DLGAP1: variants seen among roughly 807,000 people sequenced by gnomAD.
DLGAP1 encodes the protein DLG associated protein 1, also known as disks large-associated protein 1.
Under a neutral mutation model 90.8 loss-of-function variants are expected in DLGAP1, and 11 were observed. The observed-to-expected ratio is 0.12, with a 90% CI of 0.08 to 0.20. The LOEUF is 0.20. Ranked by LOEUF, DLGAP1 falls within the 10% of genes least tolerant of loss-of-function variation. The pLI is 1.00. For missense variants in DLGAP1, 1,050 were observed against 1,333.8 expected, an observed-to-expected ratio of 0.79 and a Z score of 3.31; for synonymous variants, 558 against 540.7, an observed-to-expected ratio of 1.03 and a Z score of -0.44.
intron 3 of DLGAP1, among the ~76,000 whole-genome samples, chr18:3,952,884 T>A (rs570885310): frequency 2.6e-5 from 4 of 152,336 alleles, no homozygotes; most frequent in African/African-American, 9.6e-5. Context: ...GACGGATGGC[T>A]ACATGCCACC....
rs572591855 is a variant in DLGAP1, at chr18:4,378,989, C to A, written c.-267+76017G>T. On this transcript the variant is annotated intron_variant, in intron 1 of 12. Transcript: ENST00000315677. This position sits in a 1 kb window ranked among gnomAD's most constrained non-coding sequence, Gnocchi z 4.5. ...GTTCACAGCATGTGATCTCCTGTGCCGCGTGACCACAGTTGATAGGACCAA... is the reference window on the plus strand; with the variant it reads ...GTTCACAGCATGTGATCTCCTGTGCAGCGTGACCACAGTTGATAGGACCAA... 4.6e-4 allele frequency among the ~76,000 whole-genome samples: 70 copies of A among 152,214 alleles called. No individual in the cohort carries two copies. Among genetic ancestry groups the A allele is most frequent in the African/African-American group, 1.6e-3 (66 of 41,540 alleles).
intron 2 of DLGAP1, among the ~76,000 whole-genome samples, chr18:4,083,665 C>T (rs987346112): frequency 2.6e-5 from 4 of 152,102 alleles, no homozygotes; most frequent in African/African-American, 9.7e-5. Context: ...AGAAAAGTTC[C>T]CTTTTCCTCC....
intron 1 of DLGAP1, among the ~76,000 whole-genome samples, chr18:4,288,776 G>T (rs577821956): frequency 6.6e-6 from 1 of 152,224 alleles, no homozygotes; most frequent in Admixed American, 6.5e-5. Flanking sequence ...ATCTGCCTCC[G>T]ACTAAGTGGA....
rs542377013 is a variant in DLGAP1, at chr18:3,833,026, T to G, written c.958-18753A>C. On this transcript the variant is annotated intron_variant, in intron 4 of 12. Coordinates refer to ENST00000315677, the MANE Select transcript of DLGAP1 (RefSeq NM_004746.4). ...GGCATAGAAGTAAGAGAAGCTCAAA[T>G]AGCTTTCTAAAGGAGAATCTCATAA... Among the ~76,000 whole-genome samples, 23 of 152,340 alleles carry G rather than the reference T, an allele frequency of 1.5e-4. No individual in the cohort carries two copies. In the South Asian group the frequency reaches 4.6e-3, roughly 30 times the overall value.
At chr18:3,862,414 G>T (rs568760037) in intron 4 of DLGAP1, among the ~76,000 whole-genome samples, 2 of 152,346 alleles carry the variant, frequency 1.3e-5, no homozygotes, top group Admixed American at 1.3e-4. Flanking sequence ...GAGAATCACA[G>T]ATGAGGATTA....
At chr18:3,724,131 C>T (rs2062073265) in intron 7 of DLGAP1, among the ~76,000 whole-genome samples, 1 of 151,926 alleles carries the variant, frequency 6.6e-6, no homozygotes, top group Admixed American at 6.6e-5. Context: ...TTGAGACCAG[C>T]CTGAGCAACA....
intron 1 of DLGAP1, among the ~76,000 whole-genome samples, chr18:4,254,289 T>A (rs1249012037): frequency 6.6e-6 from 1 of 152,276 alleles, no homozygotes; most frequent in East Asian, 1.9e-4. Flanking sequence ...AACAATTAAA[T>A]GGAAACTGAA....
chr18:4,413,746 G>A (rs2082832417), intron 1 of DLGAP1, among the ~76,000 whole-genome samples: 1 of 152,196 alleles, frequency 6.6e-6, no homozygotes. Flanking sequence ...TCAAAGGAAA[G>A]ATAAAAGGGT....
intron 1 of DLGAP1, among the ~76,000 whole-genome samples, chr18:4,174,796 T>C (rs967825429): frequency 8.5e-5 from 13 of 152,172 alleles, no homozygotes; most frequent in Non-Finnish European, 1.3e-4. Context: ...GTGTGTGTGT[T>C]GTTGCCCTCC....
chr18:4,030,878 G>A (rs1357081680), intron 2 of DLGAP1, among the ~76,000 whole-genome samples: 1 of 152,138 alleles, frequency 6.6e-6, no homozygotes, highest in African/African-American at 2.4e-5. Context: ...AGCTGTGATT[G>A]CACCACTGCA....
At chr18:3,620,200 C>T (rs1247087647) in intron 7 of DLGAP1, among the ~76,000 whole-genome samples, 1 of 152,046 alleles carries the variant, frequency 6.6e-6, no homozygotes, top group Non-Finnish European at 1.5e-5. Context: ...GGGTCAGAGA[C>T]AAAGACGATG....
At chr18:4,016,290 A>G (rs1835888217) in intron 2 of DLGAP1, among the ~76,000 whole-genome samples, 1 of 152,230 alleles carries the variant, frequency 6.6e-6, no homozygotes, top group Admixed American at 6.5e-5. Flanking sequence ...AACTTCTCCA[A>G]AACAAGTTTC....
At chr18:4,301,567 C>A (rs2143270216) in intron 1 of DLGAP1, among the ~76,000 whole-genome samples, 1 of 152,290 alleles carries the variant, frequency 6.6e-6, no homozygotes, top group South Asian at 2.1e-4. Context: ...AGGTTGATTC[C>A]ATAACTTGGC....
chr18:3,905,208 A>G (rs971103958), intron 3 of DLGAP1, among the ~76,000 whole-genome samples: 1 of 151,182 alleles, frequency 6.6e-6, no homozygotes, highest in Non-Finnish European at 1.5e-5. Context: ...TCTACTAAAA[A>G]TACAAAAAAT....
intron 1 of DLGAP1, among the ~76,000 whole-genome samples, chr18:4,428,132 T>A (rs2083198029): frequency 6.6e-6 from 1 of 152,204 alleles, no homozygotes; most frequent in South Asian, 2.1e-4. Flanking sequence ...GGTCCCCCCC[T>A]CAAATCTCAT....
chr18:3,794,901 GC>G (rs1311482079), intron 5 of DLGAP1, among the ~76,000 whole-genome samples: 1 of 152,208 alleles, frequency 6.6e-6, no homozygotes, highest in African/African-American at 2.4e-5. Context: ...CTTCTGCAAA[GC>G]AGCTTCTCTC....
At chr18:3,580,215 G>C in intron 8 of DLGAP1, 1 of 1,587,172 alleles carries the variant, frequency 6.3e-7, no homozygotes. Flanking sequence ...CCTCCGGGTG[G>C]ACATTCCCCT....
chr18:4,091,751 C>T (rs1283919075), intron 2 of DLGAP1, among the ~76,000 whole-genome samples: 2 of 152,156 alleles, frequency 1.3e-5, no homozygotes, highest in African/African-American at 4.8e-5. Context: ...TGTGAAATTC[C>T]GTATCTGTTC....
intron 7 of DLGAP1, among the ~76,000 whole-genome samples, chr18:3,666,784 T>A (rs946403919): frequency 2.0e-5 from 3 of 152,154 alleles, no homozygotes; most frequent in Admixed American, 6.6e-5. Flanking sequence ...AGAGATAGGG[T>A]CTTGCTGTGT....
Sources: allele counts gnomAD v4.1 joint callset (sites outside exome capture counted in the v4.1 genomes callset), GRCh38; gene constraint gnomAD v4.1.1; non-coding constraint Gnocchi (gnomAD v3.1); transcripts MANE v1.5; gene names NCBI Gene and HGNC (gene_info 2026-07-23, HGNC 2026-07-21).